MELK: variants seen among roughly 807,000 people sequenced by gnomAD.
MELK encodes maternal embryonic leucine zipper kinase.
In MELK, 81 loss-of-function variants were observed where a neutral mutation model predicts 85.0. That is an observed-to-expected ratio of 0.95 (90% CI 0.80 to 1.15). MELK has a LOEUF of 1.15. Among genes scored for constraint, MELK ranks in the 50% most tolerant of loss-of-function variants. The pLI, the probability that MELK is intolerant of heterozygous loss-of-function variation, is 0.00. For missense variants in MELK, 754 were observed against 777.5 expected (o/e 0.97, Z 0.36); for synonymous variants, 252 against 265.0 (o/e 0.95, Z 0.48).
chr9:36,605,845 T>C (rs1409936509), intron 7 of MELK, among the ~76,000 whole-genome samples: 2 of 150,144 alleles, frequency 1.3e-5, no homozygotes, highest in Non-Finnish European at 2.9e-5. Flanking sequence ...TTTCCTCTTT[T>C]TCTTTTTTTG....
At chr9:36,635,416 A>G (rs1829036966) in intron 10 of MELK, among the ~76,000 whole-genome samples, 1 of 152,060 alleles carries the variant, frequency 6.6e-6, no homozygotes, top group Non-Finnish European at 1.5e-5. Flanking sequence ...GCCGCCTGCT[A>G]CAACGTTTGG....
chr9:36,577,372 G>A (rs1821762012), intron 1 of MELK, among the ~76,000 whole-genome samples: 1 of 152,094 alleles, frequency 6.6e-6, no homozygotes, highest in Admixed American at 6.6e-5. Flanking sequence ...AATTAGCCGG[G>A]TATGGTGTTG....
chr9:36,586,453 A>T (rs191576892), intron 3 of MELK, among the ~76,000 whole-genome samples: 30 of 152,352 alleles, frequency 2.0e-4, no homozygotes, highest in South Asian at 8.3e-4. Flanking sequence ...AATGACCAGT[A>T]TAAGAAATTA....
intron 5 of MELK, among the ~76,000 whole-genome samples, chr9:36,594,992 T>A (rs1422466028): frequency 4.0e-5 from 6 of 149,838 alleles, no homozygotes; most frequent in African/African-American, 1.5e-4. Flanking sequence ...AGTGGTGTGA[T>A]CTCGGCTCAC....
intron 7 of MELK, 146 bp downstream of exon 7, chr9:36,599,632 G>A: frequency 1.8e-6 from 1 of 553,170 alleles, no homozygotes; most frequent in Admixed American, 3.1e-5. Flanking sequence ...TGGAGAGTGA[G>A]ACATGATTAC....
intron 13 of MELK, among the ~76,000 whole-genome samples, chr9:36,658,951 G>A (rs1831529774): frequency 1.5e-5 from 2 of 137,638 alleles, no homozygotes; most frequent in Non-Finnish European, 3.0e-5. Flanking sequence ...GCGCTATCTT[G>A]GCTCACTGCA....
intron 16 of MELK, among the ~76,000 whole-genome samples, chr9:36,673,032 T>C (rs1833023486): frequency 2.0e-5 from 3 of 152,236 alleles, no homozygotes; most frequent in South Asian, 2.1e-4. Flanking sequence ...GCAAGGATAG[T>C]AGAAATAATA....
rs764439882 is a variant in MELK at position 36,599,496 on chromosome 9, C to G, written c.567+10C>G. On this transcript the variant is annotated intron_variant, in intron 7 of 17. Transcript: ENST00000298048. ...ATATCTTGGATCAGAGGTAATTATTCATTGATTAATTCATTATATAATCAG... is the reference window on the plus strand; with the variant it reads ...ATATCTTGGATCAGAGGTAATTATTGATTGATTAATTCATTATATAATCAG... 5.7e-6 allele frequency: 9 copies of G among 1,592,792 alleles called. No individual in the cohort carries two copies. The highest frequency in any genetic ancestry group is 1.7e-4 in the Middle Eastern group (1 of 6,028).
chr9:36,633,262 A>AT, intron 10 of MELK, 62 bp downstream of exon 10: 1 of 1,121,372 alleles, frequency 8.9e-7, no homozygotes, highest in Admixed American at 2.2e-5. Flanking sequence ...GGGTGAATTC[A>AT]GAACCTACAA....
At chr9:36,581,190 A>G (rs1306236504) in intron 1 of MELK, among the ~76,000 whole-genome samples, 1 of 151,634 alleles carries the variant, frequency 6.6e-6, no homozygotes. Context: ...GTTGTATAGA[A>G]GTGCTTAGTT....
chr9:36,675,499 A>T (rs917150659), intron 17 of MELK, among the ~76,000 whole-genome samples: 1 of 152,150 alleles, frequency 6.6e-6, no homozygotes, highest in Non-Finnish European at 1.5e-5. Context: ...TTTCTTGTAG[A>T]TCCTCTATTT....
In MELK at chr9:36,581,589, G is replaced by T. The variant is rs933251942; in HGVS notation, c.-38-55G>T. On this transcript the variant is annotated intron_variant, in intron 1 of 17. Coordinates refer to ENST00000298048, the MANE Select transcript of MELK (RefSeq NM_014791.4). ...ATTTAGATTTGCAGTTACAAGAATG[G>T]AGGAGATGATCCGGTATTATTTCCT... is the stretch of plus-strand genomic sequence containing the variant. 5 of 863,558 alleles carry T rather than the reference G, an allele frequency of 5.8e-6. No homozygotes were observed. The African/African-American group carries it at 8.6e-5, about 15-fold the overall frequency. 53.5% of individuals were successfully genotyped at this position (863,558 alleles called of 1,614,324 possible).
Position 36,599,259 on chromosome 9 carries a change from C to T in MELK, c.475-135C>T, listed in dbSNP as rs1043073284. 10 of 519,012 alleles carry T rather than the reference C, an allele frequency of 1.9e-5. No individual in the cohort carries two copies. The African/African-American group carries it at 2.1e-4, about 11-fold the overall frequency. The allele number at this position is 519,012 out of a possible 1,614,324, so 32.2% of individuals were successfully genotyped here. On this transcript the variant is annotated intron_variant, in intron 6 of 17. Coordinates refer to ENST00000298048, the MANE Select transcript of MELK (RefSeq NM_014791.4). ...GAGGTTGCAGTGAGCCGAGATTGCG[C>T]CATTGCACTCCAGCCTGGGTGACAG...
rs73439108 is a variant in MELK, at chr9:36,631,832, C to T, written c.736-1270C>T. Among the ~76,000 whole-genome samples, 686 of 151,276 alleles carry T rather than the reference C, an allele frequency of 4.5e-3. 6 individuals are homozygous for T. The highest frequency in any genetic ancestry group is 0.016 in the African/African-American group (665 of 41,178). On this transcript the variant is annotated intron_variant, in intron 9 of 17. Coordinates refer to ENST00000298048, the MANE Select transcript of MELK (RefSeq NM_014791.4). Reference sequence around the variant, plus strand: ...ATTCCTTATAATTACTTTCAGCAAACTGTATTTTTTGTAGAGATGGGGTTT... The same window carrying T: ...ATTCCTTATAATTACTTTCAGCAAATTGTATTTTTTGTAGAGATGGGGTTT...
chr9:36,577,479 G>A (rs1459957208), intron 1 of MELK, among the ~76,000 whole-genome samples: 1 of 151,916 alleles, frequency 6.6e-6, no homozygotes. Context: ...TCGCACTACT[G>A]CACTGCAGCC....
At chr9:36,658,424 C>T (rs940451193) in intron 13 of MELK, among the ~76,000 whole-genome samples, 6 of 152,062 alleles carry the variant, frequency 3.9e-5, no homozygotes, top group Admixed American at 6.6e-5. Context: ...TGTTTAATCC[C>T]TCTAGTGAAT....
intron 10 of MELK, among the ~76,000 whole-genome samples, chr9:36,634,641 A>T (rs954007172): frequency 6.6e-6 from 1 of 151,350 alleles, no homozygotes; most frequent in African/African-American, 2.4e-5. Flanking sequence ...CGGGAGGCAG[A>T]GGTTGCAGTG....
intron 7 of MELK, among the ~76,000 whole-genome samples, chr9:36,604,210 C>T (rs1002502638): frequency 9.5e-5 from 14 of 147,566 alleles, no homozygotes; most frequent in South Asian, 2.2e-4. Context: ...CTCAGGTGAT[C>T]TGCCCACCTC....
intron 2 of MELK, 23 bp from the exon 3 acceptor site, chr9:36,583,604 T>C: frequency 6.5e-7 from 1 of 1,546,332 alleles, no homozygotes; most frequent in Non-Finnish European, 8.9e-7. Context: ...GCTTATGCTT[T>C]CATAATACAT....
Sources: allele counts gnomAD v4.1 joint callset (sites outside exome capture counted in the v4.1 genomes callset), GRCh38; gene constraint gnomAD v4.1.1; transcripts MANE v1.5; gene names NCBI Gene and HGNC (gene_info 2026-07-23, HGNC 2026-07-21).